Variants in SHROOM3 observed in about 807,000 individuals in gnomAD.
SHROOM3 encodes shroom family member 3, also known as protein Shroom3.
A neutral mutation model predicts 138.6 loss-of-function variants in SHROOM3; 47 were observed. The observed-to-expected ratio is 0.34, with a 90% CI of 0.27 to 0.43. The LOEUF (loss-of-function observed/expected upper bound fraction) is 0.43. SHROOM3 is among the 20% of genes least tolerant of loss of function. The pLI, the probability that SHROOM3 is intolerant of heterozygous loss-of-function variation, is 1.00. For missense variants in SHROOM3, 2,491 were observed against 2,596.5 expected (o/e 0.96, Z 0.88); for synonymous variants, 1,062 against 1,063.3 (o/e 1.00, Z 0.02).
At chr4:76,459,135 A>G (rs891081695) in intron 1 of SHROOM3, among the ~76,000 whole-genome samples, 1 of 152,132 alleles carries the variant, frequency 6.6e-6, no homozygotes, top group African/African-American at 2.4e-5. Flanking sequence ...GTTTTTTCCT[A>G]CATTTGATTA....
At chr4:76,483,445 A>G (rs1731660501) in intron 1 of SHROOM3, among the ~76,000 whole-genome samples, 1 of 152,360 alleles carries the variant, frequency 6.6e-6, no homozygotes, top group South Asian at 2.1e-4. Flanking sequence ...AACCACAATG[A>G]GATACCGTGT....
At chr4:76,653,344 A>T (rs1736001035) in intron 2 of SHROOM3, among the ~76,000 whole-genome samples, 1 of 151,904 alleles carries the variant, frequency 6.6e-6, no homozygotes, top group African/African-American at 2.4e-5. Flanking sequence ...GCTTAGTAGC[A>T]TCCCTGGCCT....
At position 76,755,018 on chromosome 4, in the gene SHROOM3, A is replaced by G. The variant is rs1317715104; in HGVS notation, c.4535A>G (p.Asp1512Gly). The change falls in exon 7 of 11, where the codon GAT becomes GGT. Residue 1512 changes from aspartate (D) to glycine (G), a missense_variant. Physicochemically the swap from Asp to Gly is moderately conservative, Grantham distance 94. Coordinates refer to ENST00000296043, the MANE Select transcript of SHROOM3 (RefSeq NM_020859.4). ...TATGAAGACGAAGTGTTTGTGAGGG[A>G]TCCGCACCCCAAGGCCACGTCCAGC... ...EDYEDEVFVR[D>G]PHPKATSSPT... The G allele has an allele frequency of 4.4e-6, 7 of 1,609,004 alleles. No homozygotes were observed. The highest frequency in any genetic ancestry group is 2.7e-5 in the African/African-American group (2 of 74,728).
chr4:76,507,653 C>T (rs937418693), intron 1 of SHROOM3, among the ~76,000 whole-genome samples: 1 of 151,742 alleles, frequency 6.6e-6, no homozygotes, highest in African/African-American at 2.4e-5. Context: ...TCTCCTGCCT[C>T]AGCCCCTCCC....
At chr4:76,770,582 C>T (rs753903346) in intron 9 of SHROOM3, 44 bp from the exon 10 acceptor site, 8 of 1,609,808 alleles carry the variant, frequency 5.0e-6, no homozygotes, top group Non-Finnish European at 6.8e-6. Context: ...CTTCCACTGG[C>T]ACCTCCTGTT....
At chr4:76,510,782 GGA>G (rs1732318721) in intron 1 of SHROOM3, among the ~76,000 whole-genome samples, 1 of 152,114 alleles carries the variant, frequency 6.6e-6, no homozygotes, top group Admixed American at 6.5e-5. Flanking sequence ...GTGGCACAGG[GGA>G]AAGAACAAGG....
chr4:76,668,651 T>C (rs1480612446), intron 2 of SHROOM3, among the ~76,000 whole-genome samples: 1 of 152,084 alleles, frequency 6.6e-6, no homozygotes, highest in African/African-American at 2.4e-5. Context: ...TGAAAGCGTA[T>C]TGTGAATGAT....
intron 1 of SHROOM3, among the ~76,000 whole-genome samples, chr4:76,448,472 C>T (rs1174042419): frequency 6.6e-6 from 1 of 152,160 alleles, no homozygotes; most frequent in Non-Finnish European, 1.5e-5. Context: ...ACAGTAATGA[C>T]ACCAAGAGCA....
chr4:76,703,117 A>G (rs1348936215), intron 2 of SHROOM3, among the ~76,000 whole-genome samples: 2 of 152,196 alleles, frequency 1.3e-5, no homozygotes, highest in East Asian at 3.9e-4. Context: ...GAGACATACA[A>G]AGTGCATCTC....
At chr4:76,725,153 C>A (rs1410314148) in intron 3 of SHROOM3, among the ~76,000 whole-genome samples, 1 of 151,872 alleles carries the variant, frequency 6.6e-6, no homozygotes, top group East Asian at 1.9e-4. Context: ...TCCCCACCCC[C>A]ACCGCCAAAA....
Position 76,740,425 on chromosome 4 carries a change from C to G in SHROOM3, c.2252C>G (p.Pro751Arg). The change falls in exon 5 of 11, where the codon CCG becomes CGG. Residue 751 changes from proline (P) to arginine (R), a missense_variant. By Grantham distance (103) the Pro-to-Arg change is moderately radical. This residue lies in a region of SHROOM3 where 1,733 missense variants were observed against 1,661.6 expected (regional missense o/e 1.04). Transcript: ENST00000296043. The surrounding 1 kb of genome is among the most constrained non-coding windows in gnomAD (Gnocchi z 4.0). Reference sequence around the variant, plus strand: ...GAAGAGCCGCCTGCCCCCTCGCACCCGCACACATCCAGTCTGGGCCGGAGG... The same window carrying G: ...GAAGAGCCGCCTGCCCCCTCGCACCGGCACACATCCAGTCTGGGCCGGAGG... ...SPEEPPAPSH[P>R]HTSSLGRRGP... The G allele has an allele frequency of 6.2e-7, 1 of 1,612,982 alleles. No homozygotes were observed. The highest frequency in any genetic ancestry group is 2.2e-5 in the East Asian group (1 of 44,840).
At chr4:76,652,283 C>G (rs1735978312) in intron 2 of SHROOM3, among the ~76,000 whole-genome samples, 1 of 152,060 alleles carries the variant, frequency 6.6e-6, no homozygotes, top group South Asian at 2.1e-4. Context: ...AAGAAGGCAA[C>G]TGAGAGAGAA....
chr4:76,479,667 GAC>G lies in SHROOM3; in HGVS notation c.168+43451_168+43452del, dbSNP rs201825744. ...TACTCCTCAAGAAGAACAACCCCAAGACACATAATCATCAGATTCACCAAGGT... is the reference window on the plus strand; with the variant it reads ...TACTCCTCAAGAAGAACAACCCCAAGACATAATCATCAGATTCACCAAGGT... On this transcript the variant is annotated intron_variant, in intron 1 of 10. Coordinates refer to ENST00000296043, the MANE Select transcript of SHROOM3 (RefSeq NM_020859.4). Among the ~76,000 whole-genome samples the G allele has an allele frequency of 1.5e-3, 224 of 152,210 alleles. 4 individuals carry two copies. The East Asian group carries it at 0.024, about 16-fold the overall frequency.
At position 76,783,218 on chromosome 4, in the gene SHROOM3, TAA is replaced by T. The variant is rs1722776926; in HGVS notation, c.*4043_*4044del. On this transcript the variant is annotated 3_prime_UTR_variant, in exon 11 of 11. Coordinates refer to ENST00000296043, the MANE Select transcript of SHROOM3 (RefSeq NM_020859.4). ...AATTTAAATAAACAGAAATTGAAGTTAAATTTAAAAATAAAAATAACCTCAGA... is the reference window on the plus strand; with the variant it reads ...AATTTAAATAAACAGAAATTGAAGTTATTTAAAAATAAAAATAACCTCAGA... 1 of 152,172 alleles carries T rather than the reference TAA, an allele frequency of 6.6e-6. No individual in the cohort carries two copies. Among genetic ancestry groups the T allele is most frequent in the African/African-American group, 2.4e-5 (1 of 41,446 alleles). 9.4% of individuals were successfully genotyped at this position (152,172 alleles called of 1,614,324 possible). A position where few individuals can be genotyped will look rare whatever the true frequency, so the allele number is the denominator to read the frequency against.
intron 10 of SHROOM3, among the ~76,000 whole-genome samples, chr4:76,773,872 C>T (rs569138465): frequency 1.1e-4 from 17 of 152,256 alleles, no homozygotes; most frequent in African/African-American, 4.1e-4. Context: ...CACAGAAAAT[C>T]ATCACAAAGA....
At chr4:76,607,526 A>G (rs973434848) in intron 2 of SHROOM3, among the ~76,000 whole-genome samples, 1 of 152,220 alleles carries the variant, frequency 6.6e-6, no homozygotes, top group African/African-American at 2.4e-5. Context: ...ATCTGAAGAC[A>G]AATAAAAACT....
At chr4:76,493,427 G>T (rs1731897765) in intron 1 of SHROOM3, among the ~76,000 whole-genome samples, 4 of 152,090 alleles carry the variant, frequency 2.6e-5, no homozygotes, top group Admixed American at 2.6e-4. Flanking sequence ...ATTCTGAGAG[G>T]AATAATTGAT....
chr4:76,767,237 C>T (rs138996395), intron 9 of SHROOM3, among the ~76,000 whole-genome samples: 4 of 152,106 alleles, frequency 2.6e-5, no homozygotes, highest in South Asian at 4.1e-4. Flanking sequence ...GCTTAGGTGC[C>T]GGAGAGAGCT....
rs573052078 is a variant in SHROOM3, at chr4:76,454,925, A to AT, written c.168+18713dup. Among the ~76,000 whole-genome samples, 12 of 151,894 alleles carry AT rather than the reference A, an allele frequency of 7.9e-5. 1 individual carries two copies. The highest frequency in any genetic ancestry group is 2.6e-4 in the Admixed American group (4 of 15,238). ...TCTTTTTGATGCTATTGTATATGGAATTTTTTTTATTTCTTTTTTGAATTG... is the reference window on the plus strand; with the variant it reads ...TCTTTTTGATGCTATTGTATATGGAATTTTTTTTTATTTCTTTTTTGAATTG... On this transcript the variant is annotated intron_variant, in intron 1 of 10. Transcript: ENST00000296043.
Sources: allele counts gnomAD v4.1 joint callset (sites outside exome capture counted in the v4.1 genomes callset), GRCh38; gene constraint gnomAD v4.1.1; regional missense constraint gnomAD v4.1.1; non-coding constraint Gnocchi (gnomAD v3.1); transcripts MANE v1.5; gene names NCBI Gene and HGNC (gene_info 2026-07-23, HGNC 2026-07-21).